Variants in PLEKHO1 observed in about 807,000 individuals in gnomAD.
PLEKHO1 encodes the protein pleckstrin homology domain containing O1, also known as pleckstrin homology domain-containing family O member 1.
In PLEKHO1, 22 loss-of-function variants were observed where a neutral mutation model predicts 41.4. The ratio of observed to expected loss-of-function variants is 0.53; its 90% confidence interval spans 0.38 to 0.76. The LOEUF (loss-of-function observed/expected upper bound fraction) is 0.76. Ranked by LOEUF, PLEKHO1 falls within the 30% of genes least tolerant of loss-of-function variation. PLEKHO1 has a pLI of 0.00. For missense variants in PLEKHO1, 488 were observed against 518.3 expected (o/e 0.94, Z 0.57); for synonymous variants, 225 against 210.8 (o/e 1.07, Z -0.58).
chr1:150,151,209 C>T, intron 2 of PLEKHO1, 151 bp downstream of exon 2: 1 of 753,960 alleles, frequency 1.3e-6, no homozygotes. Flanking sequence ...CAGAGAAAGG[C>T]CACCCTTTAA....
Position 150,150,952 on chromosome 1 carries a change from A to ATC in PLEKHO1, c.71_72insTC (p.Lys24AsnfsTer26). On this transcript the variant is annotated frameshift_variant, in exon 2 of 6. Transcript: ENST00000369124. LOFTEE classifies it high-confidence loss of function. ...AACCAGCAGCCTGCACCGCCCGAGA[A>ATC]GGTCGGCTGGGTCCGGAAATTCTGC... 6.2e-7 allele frequency: 1 copy of ATC among 1,614,134 alleles called. No homozygotes were observed. Among genetic ancestry groups the ATC allele is most frequent in the Non-Finnish European group, 8.5e-7 (1 of 1,179,948 alleles).
chr1:150,154,669 T>C (rs1175571339), intron 2 of PLEKHO1: 2 of 152,234 alleles, frequency 1.3e-5, no homozygotes, highest in Non-Finnish European at 2.9e-5. Flanking sequence ...AGTTGGGGAC[T>C]GTTTTGGAAA....
intron 5 of PLEKHO1, among the ~76,000 whole-genome samples, chr1:150,157,914 C>A (rs1356911352): frequency 6.6e-6 from 1 of 152,122 alleles, no homozygotes; most frequent in African/African-American, 2.4e-5. Context: ...AGGTATAATG[C>A]AGAGAACACA....
chr1:150,153,671 TC>T (rs1247129431), intron 2 of PLEKHO1: 1 of 152,226 alleles, frequency 6.6e-6, no homozygotes, highest in African/African-American at 2.4e-5. Context: ...ATCATTTTCT[TC>T]CTTCTCAAAG....
In PLEKHO1 at chr1:150,159,910, T is replaced by G. The variant is rs1180964659; in HGVS notation, c.*387T>G. 3 of 168,732 alleles carry G rather than the reference T, an allele frequency of 1.8e-5. No individual in the cohort carries two copies. The highest frequency in any genetic ancestry group is 1.7e-4 in the South Asian group (1 of 6,030). The allele number at this position is 168,732 out of a possible 1,614,324, so 10.5% of individuals were successfully genotyped here. Reference sequence around the variant, plus strand: ...AGGGGGATGAGGATGTTTTCTGTTATGTCCCACCCCAGGCCTTCAGTTTGA... The same window carrying G: ...AGGGGGATGAGGATGTTTTCTGTTAGGTCCCACCCCAGGCCTTCAGTTTGA... On this transcript the variant is annotated 3_prime_UTR_variant, in exon 6 of 6. Coordinates refer to ENST00000369124, the MANE Select transcript of PLEKHO1 (RefSeq NM_016274.6).
intron 4 of PLEKHO1, 122 bp from the exon 5 acceptor site, chr1:150,157,263 A>G: frequency 1.2e-6 from 1 of 807,474 alleles, no homozygotes. Flanking sequence ...CTTCGTGTCC[A>G]GTAAATCCCC....
chr1:150,155,757 C>T (rs1660139327), intron 2 of PLEKHO1: 1 of 260,086 alleles, frequency 3.8e-6, no homozygotes, highest in Admixed American at 5.3e-5. Flanking sequence ...TAAGCTGTGT[C>T]CTTAAGGAAA....
At chr1:150,149,805 C>CG (rs587752942), upstream of PLEKHO1, 929 of 151,920 alleles carry the variant, frequency 6.1e-3, 16 homozygotes, top group African/African-American at 0.022. Context: ...GAAACAAAGG[C>CG]GGGGGGGCGG....
chr1:150,150,838 C>T, intron 1 of PLEKHO1, 74 bp from the exon 2 acceptor site: 6 of 1,420,522 alleles, frequency 4.2e-6, no homozygotes, highest in South Asian at 1.2e-5. Flanking sequence ...CCGAGGCGGT[C>T]GTGAGAGACG....
intron 2 of PLEKHO1, among the ~76,000 whole-genome samples, chr1:150,152,563 A>G (rs1056937601): frequency 5.4e-5 from 8 of 149,304 alleles, no homozygotes; most frequent in Admixed American, 5.3e-4. Flanking sequence ...TCAGCCTCCC[A>G]AAGTGCTGGG....
chr1:150,156,362 T>C (rs111450030), intron 3 of PLEKHO1, among the ~76,000 whole-genome samples, 156 bp downstream of exon 3: 5 of 152,330 alleles, frequency 3.3e-5, no homozygotes, highest in African/African-American at 1.2e-4. Context: ...GAGAATATTG[T>C]AGCCATTTCC....
rs1297730137 is a variant in PLEKHO1, at chr1:150,159,449, A to G, written c.1156A>G (p.Met386Val). Reference sequence around the variant, plus strand: ...GGAGCTGAGAGACCTGTACAGACAGATGGACCTGCAGACCCCGGACTCCCA... The same window carrying G: ...GGAGCTGAGAGACCTGTACAGACAGGTGGACCTGCAGACCCCGGACTCCCA... ...VRELRDLYRQMDLQTPDSHLR... is the reference protein window; with the variant it reads ...VRELRDLYRQVDLQTPDSHLR... The change falls in exon 6 of 6, where the codon ATG becomes GTG. Residue 386 changes from methionine to valine, a missense_variant. By Grantham distance (21) the Met-to-Val change is conservative (BLOSUM62 1). This residue lies in a region of PLEKHO1 where 337 missense variants were observed against 324.6 expected (regional missense o/e 1.04). Transcript: ENST00000369124. 2.5e-6 allele frequency: 4 copies of G among 1,613,994 alleles called. No homozygotes were observed. Among genetic ancestry groups the G allele is most frequent in the Admixed American group, 3.3e-5 (2 of 60,004 alleles).
rs587714004 is a variant in PLEKHO1 at position 150,158,806 on chromosome 1, C to G, written c.526-13C>G. 6.6e-5 allele frequency: 104 copies of G among 1,570,774 alleles called. 1 individual carries two copies. The highest frequency in any genetic ancestry group is 4.6e-4 in the South Asian group (41 of 88,714). ...ATGACAGGTTCCCCACTCATTCCCC[C>G]CTTCCTCCACAGGCTTCCACCTCTA... On this transcript the variant is annotated splice_polypyrimidine_tract_variant and intron_variant, in intron 5 of 5. Transcript: ENST00000369124.
At chr1:150,155,446 C>G (rs1241328481) in intron 2 of PLEKHO1, 1 of 152,340 alleles carries the variant, frequency 6.6e-6, no homozygotes, top group Non-Finnish European at 1.5e-5. Flanking sequence ...ACAAATTCAG[C>G]AAACTGAACA....
rs781943864 is a variant in PLEKHO1, at chr1:150,158,916, G to A, written c.623G>A (p.Arg208Gln). Residue 208 changes from arginine (R) to glutamine (Q), a missense_variant, in exon 6 of 6, where the codon CGG (arginine) becomes CAG (glutamine). Arg to Gln is a conservative substitution (Grantham distance 43, BLOSUM62 1). Coordinates refer to ENST00000369124, the MANE Select transcript of PLEKHO1 (RefSeq NM_016274.6). ...CCAACCTCTTGTGCTGAGAGCTTTCGGGTTGACCTGGACAAGTCTGTGGCC... is the reference window on the plus strand; with the variant it reads ...CCAACCTCTTGTGCTGAGAGCTTTCAGGTTGACCTGGACAAGTCTGTGGCC... Reference protein sequence around the residue: ...EEPTSCAESFRVDLDKSVAQL... With the variant: ...EEPTSCAESFQVDLDKSVAQL... The A allele has an allele frequency of 2.5e-5, 40 of 1,614,006 alleles. No homozygotes were observed. The highest frequency in any genetic ancestry group is 4.5e-5 in the East Asian group (2 of 44,890).
rs1403447487 is a variant in PLEKHO1 at position 150,159,720 on chromosome 1, G to A, written c.*197G>A. 1 of 502,506 alleles carries A rather than the reference G, an allele frequency of 2.0e-6. No homozygotes were observed. The highest frequency in any genetic ancestry group is 3.6e-6 in the Non-Finnish European group (1 of 280,314). The allele number at this position is 502,506 out of a possible 1,614,324, so 31.1% of individuals were successfully genotyped here. A position where few individuals can be genotyped will look rare whatever the true frequency, so the allele number is the denominator to read the frequency against. On this transcript the variant is annotated 3_prime_UTR_variant, in exon 6 of 6. Coordinates refer to ENST00000369124, the MANE Select transcript of PLEKHO1 (RefSeq NM_016274.6). ...CCCCTCGTATGCCCCTCAGGTTTGA[G>A]GAAGTGACCCCGCAGCAGTAGCAGG...
chr1:150,151,166 T>G (rs771072166), intron 2 of PLEKHO1, 108 bp downstream of exon 2: 69 of 1,222,614 alleles, frequency 5.6e-5, no homozygotes, highest in Non-Finnish European at 7.8e-5. Context: ...AAAGGCAAGT[T>G]CAGTGGTCTC....
chr1:150,151,453 GC>G (rs1553819011), intron 2 of PLEKHO1, among the ~76,000 whole-genome samples: 1 of 151,980 alleles, frequency 6.6e-6, no homozygotes, highest in African/African-American at 2.4e-5. Context: ...CCTTAACCCA[GC>G]CAGCCTCCCC....
chr1:150,153,518 T>C (rs1032644451), intron 2 of PLEKHO1: 1 of 151,586 alleles, frequency 6.6e-6, no homozygotes, highest in African/African-American at 2.4e-5. Context: ...CAGAGTATAA[T>C]CTATATCATT....
Sources: gnomAD v4.1 joint callset for allele counts (sites outside exome capture counted in the v4.1 genomes callset) on GRCh38, gnomAD v4.1.1 for gene constraint, gnomAD v4.1.1 regional missense constraint, MANE v1.5 for transcripts, NCBI Gene and HGNC (gene_info 2026-07-23, HGNC 2026-07-21) for gene names.